Variants in LRRTM4 observed in about 807,000 individuals in gnomAD.
LRRTM4 encodes the protein leucine-rich repeat transmembrane neuronal protein 4.
In LRRTM4, 25 loss-of-function variants were observed where a neutral mutation model predicts 47.6. The ratio of observed to expected loss-of-function variants is 0.53; its 90% CI spans 0.38 to 0.73. The LOEUF (loss-of-function observed/expected upper bound fraction) is 0.73, where lower values mean the gene tolerates loss of function less well. Ranked by LOEUF, LRRTM4 falls within the 30% of genes least tolerant of loss-of-function variation. LRRTM4 has a pLI of 0.00. For missense variants in LRRTM4, 638 were observed against 713.4 expected (o/e 0.89, Z 1.20); for synonymous variants, 311 against 269.5 (o/e 1.15, Z -1.51).
chr2:76,820,634 G>T (rs1045807696), intron 3 of LRRTM4, among the ~76,000 whole-genome samples: 12 of 151,798 alleles, frequency 7.9e-5, no homozygotes, highest in Non-Finnish European at 1.8e-4. Flanking sequence ...AATTGTTTTA[G>T]TGGGTTTTGC....
chr2:77,058,523 G>C (rs2103793109), intron 3 of LRRTM4, among the ~76,000 whole-genome samples: 1 of 151,378 alleles, frequency 6.6e-6, no homozygotes, highest in African/African-American at 2.4e-5. Context: ...TCCACACTCA[G>C]TATTTTCTTT....
chr2:77,266,205 C>T (rs1676044582), intron 3 of LRRTM4, among the ~76,000 whole-genome samples: 1 of 152,100 alleles, frequency 6.6e-6, no homozygotes, highest in African/African-American at 2.4e-5. Flanking sequence ...GATTGCTTAT[C>T]TCTGATCTAG....
At chr2:77,066,290 G>A (rs1471768761) in intron 3 of LRRTM4, among the ~76,000 whole-genome samples, 1 of 152,142 alleles carries the variant, frequency 6.6e-6, no homozygotes, top group African/African-American at 2.4e-5. Flanking sequence ...CATAGAACAA[G>A]AACTACTGAG....
chr2:77,055,301 G>A (rs1375398256), intron 3 of LRRTM4, among the ~76,000 whole-genome samples: 2 of 152,162 alleles, frequency 1.3e-5, no homozygotes, highest in African/African-American at 2.4e-5. Context: ...GAAAGAACAT[G>A]CCCAACCTCT....
intron 3 of LRRTM4, among the ~76,000 whole-genome samples, chr2:77,152,624 G>T (rs574554052): frequency 6.6e-6 from 1 of 152,110 alleles, no homozygotes; most frequent in African/African-American, 2.4e-5. Context: ...TACCACGCCC[G>T]GCCACTTTTT....
intron 3 of LRRTM4, among the ~76,000 whole-genome samples, chr2:77,182,572 A>C (rs946167645): frequency 1.3e-5 from 2 of 152,100 alleles, no homozygotes; most frequent in East Asian, 1.9e-4. Flanking sequence ...ATAATAGCTT[A>C]AGGAGATTTT....
In LRRTM4 at chr2:77,362,170, A is replaced by AAAGGAAGGAAGGAAGGAAGG. The variant is rs1553434339; in HGVS notation, c.1551+156147_1551+156148insCCTTCCTTCCTTCCTTCCTT. Reference sequence around the variant, plus strand: ...GAAAGAAAGAAAGAAAGAAAGAAAGAAAGGAAGGAAGGAAGAGTTCTTAAT... The same window carrying AAAGGAAGGAAGGAAGGAAGG: ...GAAAGAAAGAAAGAAAGAAAGAAAGAAAGGAAGGAAGGAAGGAAGGAAGGAAGGAAGGAAGAGTTCTTAAT... On this transcript the variant is annotated intron_variant, in intron 3 of 3. Transcript: ENST00000409884. Among the ~76,000 whole-genome samples the AAAGGAAGGAAGGAAGGAAGG allele has an allele frequency of 2.9e-4, 39 of 133,620 alleles. 1 individual carries two copies. Among genetic ancestry groups the AAAGGAAGGAAGGAAGGAAGG allele is most frequent in the African/African-American group, 1.0e-3 (31 of 30,556 alleles). 87.7% of individuals were successfully genotyped at this position (133,620 alleles called of 152,430 possible). A position where few individuals can be genotyped will look rare whatever the true frequency, so the allele number is the denominator to read the frequency against.
intron 3 of LRRTM4, among the ~76,000 whole-genome samples, chr2:76,773,215 T>G (rs1416603803): frequency 6.6e-6 from 1 of 152,234 alleles, no homozygotes. Context: ...GAGCCTAATT[T>G]CCATAAGCCC....
intron 3 of LRRTM4, among the ~76,000 whole-genome samples, chr2:76,814,770 A>G (rs1259998673): frequency 6.6e-6 from 1 of 151,822 alleles, no homozygotes; most frequent in Non-Finnish European, 1.5e-5. Context: ...TAATAACAAT[A>G]GCAATACTAA....
intron 3 of LRRTM4, among the ~76,000 whole-genome samples, chr2:77,403,086 A>T (rs1331342462): frequency 6.6e-6 from 1 of 151,990 alleles, no homozygotes; most frequent in Admixed American, 6.6e-5. Context: ...CTTCTGAAAT[A>T]CAAACCTAAT....
At chr2:77,446,840 G>A (rs2103942484) in intron 3 of LRRTM4, among the ~76,000 whole-genome samples, 1 of 152,166 alleles carries the variant, frequency 6.6e-6, no homozygotes, top group Non-Finnish European at 1.5e-5. Flanking sequence ...GTATAAGAAA[G>A]TAATGTAAAT....
At chr2:77,505,633 T>C (rs773665995) in intron 3 of LRRTM4, among the ~76,000 whole-genome samples, 17 of 151,500 alleles carry the variant, frequency 1.1e-4, no homozygotes, top group Non-Finnish European at 2.5e-4. Flanking sequence ...AAGATAAACA[T>C]TGTGTTTTGC....
intron 3 of LRRTM4, among the ~76,000 whole-genome samples, chr2:77,012,261 T>C (rs1443045901): frequency 6.6e-6 from 1 of 152,168 alleles, no homozygotes; most frequent in East Asian, 1.9e-4. Flanking sequence ...ATAATTATTA[T>C]TTTCAAATAA....
chr2:76,941,245 T>A (rs920845208), intron 3 of LRRTM4, among the ~76,000 whole-genome samples: 2 of 152,198 alleles, frequency 1.3e-5, no homozygotes, highest in African/African-American at 4.8e-5. Flanking sequence ...ATATTATATT[T>A]TATATATTGA....
chr2:76,776,641 G>A (rs1167481372), intron 3 of LRRTM4, among the ~76,000 whole-genome samples: 1 of 151,010 alleles, frequency 6.6e-6, no homozygotes, highest in African/African-American at 2.4e-5. Flanking sequence ...TGAGTTCATT[G>A]TAGATTCTGG....
At chr2:77,388,152 T>C (rs976831864) in intron 3 of LRRTM4, among the ~76,000 whole-genome samples, 5 of 151,264 alleles carry the variant, frequency 3.3e-5, no homozygotes, top group Non-Finnish European at 7.4e-5. Context: ...GATTAGTTAC[T>C]TCAATCTTTA....
At chr2:76,928,666 A>G (rs17333578) in intron 3 of LRRTM4, among the ~76,000 whole-genome samples, 23,057 of 152,146 alleles carry the variant, frequency 0.15, 2,153 homozygotes, top group Admixed American at 0.22. Flanking sequence ...TTACATGAAT[A>G]GGAAAATAAA....
At chr2:76,889,664 G>A (rs1303561573) in intron 3 of LRRTM4, among the ~76,000 whole-genome samples, 2 of 151,982 alleles carry the variant, frequency 1.3e-5, no homozygotes, top group Non-Finnish European at 2.9e-5. Context: ...CAAGAAGAAG[G>A]AGGACAAAAT....
rs563898319 is a variant in LRRTM4 at position 76,803,314 on chromosome 2, GACAA to G, written c.1552-54402_1552-54399del. 2.9e-3 allele frequency among the ~76,000 whole-genome samples: 443 copies of G among 152,168 alleles called. 7 individuals carry two copies. Among genetic ancestry groups the G allele is most frequent in the African/African-American group, 9.0e-3 (373 of 41,544 alleles). On this transcript the variant is annotated intron_variant, in intron 3 of 3. Coordinates refer to ENST00000409884, the MANE Select transcript of LRRTM4 (RefSeq NM_001134745.3). The stretch of plus-strand genomic sequence containing the variant: ...TCTGAATAGACATTTCTCAAAATAA[GACAA>G]ACAAATAGCCAATTAATATATGCAA...
Sources: gnomAD v4.1 joint callset for allele counts (sites outside exome capture counted in the v4.1 genomes callset) on GRCh38, gnomAD v4.1.1 for gene constraint, MANE v1.5 for transcripts, NCBI Gene and HGNC (gene_info 2026-07-23, HGNC 2026-07-21) for gene names.